Variants in TMEM87A observed in about 807,000 individuals in gnomAD.
The protein encoded by TMEM87A is transmembrane protein 87A.
Under a neutral mutation model 90.0 loss-of-function variants are expected in TMEM87A, and 50 were observed. The observed-to-expected ratio is 0.56, with a 90% CI of 0.44 to 0.70. The LOEUF is 0.70. Ranked by LOEUF, TMEM87A falls within the 30% of genes least tolerant of loss-of-function variation. The pLI is 0.00. For synonymous variants in TMEM87A, 226 were observed against 226.7 expected (o/e 1.00, Z 0.03); for missense variants, 577 against 660.5 (o/e 0.87, Z 1.39).
chr15:42,231,853 A>G, intron 11 of TMEM87A: 2 of 1,273,710 alleles, frequency 1.6e-6, no homozygotes, highest in South Asian at 2.5e-5. Context: ...TCCATAAAAT[A>G]ACACAGGCGT....
chr15:42,271,952 CTAGA>C, intron 2 of TMEM87A, 107 bp downstream of exon 2: 1 of 846,678 alleles, frequency 1.2e-6, no homozygotes, highest in South Asian at 1.7e-5. Flanking sequence ...ATATTTATAC[CTAGA>C]TAATGCCAGA....
intron 14 of TMEM87A, 107 bp from the exon 15 acceptor site, chr15:42,227,016 G>A: frequency 1.9e-6 from 2 of 1,063,628 alleles, no homozygotes; most frequent in South Asian, 2.8e-5. Context: ...TTCAAGTTAT[G>A]TTTACTAAGA....
At chr15:42,244,009 C>A in intron 7 of TMEM87A, 41 bp downstream of exon 7, 1 of 1,197,528 alleles carries the variant, frequency 8.4e-7, no homozygotes, top group Non-Finnish European at 1.2e-6. Context: ...AATGACATAA[C>A]CAGATAATAA....
chr15:42,228,647 C>G, intron 13 of TMEM87A, 65 bp downstream of exon 13: 1 of 1,386,684 alleles, frequency 7.2e-7, no homozygotes, highest in Middle Eastern at 1.8e-4. Context: ...CATGGCCTTT[C>G]AGGTTAAGAA....
chr15:42,247,058 T>C (rs953792455), intron 6 of TMEM87A, among the ~76,000 whole-genome samples: 9 of 1,350 alleles, frequency 6.7e-3, no homozygotes, highest in Middle Eastern at 0.5. Context: ...TGATGAGCAT[T>C]TTTTTCATGT....
rs144762944 is a variant in TMEM87A, at chr15:42,267,010, G to C, written c.291+937C>G. Among the ~76,000 whole-genome samples the C allele has an allele frequency of 6.5e-3, 993 of 152,258 alleles. 12 individuals carry two copies. The highest frequency in any genetic ancestry group is 0.023 in the African/African-American group (959 of 41,530). On this transcript the variant is annotated intron_variant, in intron 3 of 19. Transcript: ENST00000389834. The stretch of plus-strand genomic sequence containing the variant: ...GTCCCCTCAAGGAAGACAACTGACA[G>C]TATTCACTGCCAAAATAAAATTTGA...
chr15:42,221,224 G>A (rs2050474997), intron 15 of TMEM87A, among the ~76,000 whole-genome samples: 1 of 151,744 alleles, frequency 6.6e-6, no homozygotes, highest in Non-Finnish European at 1.5e-5. Context: ...ACTCCAGCCT[G>A]GGCGACACAG....
intron 3 of TMEM87A, among the ~76,000 whole-genome samples, chr15:42,264,701 T>TATATA (rs1566941898): frequency 1.6e-4 from 2 of 12,490 alleles, no homozygotes; most frequent in Admixed American, 9.9e-4. Context: ...ATATATATAT[T>TATATA]TTTTTTTTAA....
At chr15:42,244,006 T>C (rs2050922802) in intron 7 of TMEM87A, 44 bp downstream of exon 7, 1 of 1,182,946 alleles carries the variant, frequency 8.5e-7, no homozygotes, top group Non-Finnish European at 1.2e-6. Context: ...ATGAATGACA[T>C]AACCAGATAA....
Position 42,236,431 on chromosome 15 carries a change from A to G in TMEM87A, c.869-12T>C. 1 of 1,612,906 alleles carries G rather than the reference A, an allele frequency of 6.2e-7. No individual in the cohort carries two copies. The highest frequency in any genetic ancestry group is 8.5e-7 in the Non-Finnish European group (1 of 1,178,932). On this transcript the variant is annotated splice_polypyrimidine_tract_variant and intron_variant, in intron 9 of 19. Coordinates refer to ENST00000389834, the MANE Select transcript of TMEM87A (RefSeq NM_015497.5). ...CAAAGCACCCTGGACTATGAAAAAG[A>G]AGGGAAGAAATGGCACCATAATCTA... is the stretch of plus-strand genomic sequence containing the variant.
intron 2 of TMEM87A, among the ~76,000 whole-genome samples, chr15:42,270,786 A>G (rs2051507225): frequency 6.6e-6 from 1 of 152,218 alleles, no homozygotes; most frequent in Non-Finnish European, 1.5e-5. Context: ...ATCTAAATCA[A>G]ATATAAGTCA....
intron 19 of TMEM87A, 85 bp downstream of exon 19, chr15:42,217,717 TA>T: frequency 7.3e-7 from 1 of 1,376,638 alleles, no homozygotes; most frequent in Non-Finnish European, 1.0e-6. Flanking sequence ...CTGAGTCAAA[TA>T]AAGAGAATCT....
chr15:42,239,570 C>T (rs11070363), intron 8 of TMEM87A, 100 bp downstream of exon 8: 994,469 of 1,022,374 alleles, frequency 0.97, 485,290 homozygotes, highest in Non-Finnish European at 1. Flanking sequence ...CTGAATTGCA[C>T]AGGAACAATT....
intron 6 of TMEM87A, among the ~76,000 whole-genome samples, chr15:42,255,705 TC>T (rs1287153406): frequency 6.6e-6 from 1 of 152,184 alleles, no homozygotes; most frequent in Admixed American, 6.5e-5. Flanking sequence ...TAAAGTGTTC[TC>T]TTTTATCAAT....
intron 6 of TMEM87A, among the ~76,000 whole-genome samples, chr15:42,259,216 G>A (rs985096243): frequency 1.3e-5 from 2 of 151,820 alleles, no homozygotes; most frequent in Non-Finnish European, 2.9e-5. Flanking sequence ...TCCACCTTCT[G>A]GGTTCAAGTG....
At position 42,216,108 on chromosome 15, in the gene TMEM87A, T is replaced by C. The variant is rs766236194; in HGVS notation, c.1626+1695A>G. On this transcript the variant is annotated intron_variant, in intron 19 of 19. Coordinates refer to ENST00000389834, the MANE Select transcript of TMEM87A (RefSeq NM_015497.5). Reference sequence around the variant, plus strand: ...ACAACTTAGATAAATCTTGAAGACATTATGCTAAGTGAAATAAGCAAGCCA... The same window carrying C: ...ACAACTTAGATAAATCTTGAAGACACTATGCTAAGTGAAATAAGCAAGCCA... Among the ~76,000 whole-genome samples the C allele has an allele frequency of 2.8e-4, 43 of 152,308 alleles. 1 individual carries two copies. In the South Asian group the frequency reaches 5.2e-3, roughly 18 times the overall value.
intron 3 of TMEM87A, among the ~76,000 whole-genome samples, chr15:42,266,705 A>C (rs1404204010): frequency 6.6e-6 from 1 of 152,136 alleles, no homozygotes; most frequent in Non-Finnish European, 1.5e-5. Flanking sequence ...TTTATGTAAG[A>C]ATATCCTAGA....
chr15:42,264,681 G>GTA (rs2051362629), intron 3 of TMEM87A, among the ~76,000 whole-genome samples: 1 of 25,172 alleles, frequency 4.0e-5, no homozygotes, highest in African/African-American at 7.3e-5. Flanking sequence ...ATATATGTGT[G>GTA]TGTATATATA....
chr15:42,272,902 C>G (rs1053893513), intron 1 of TMEM87A: 4 of 487,192 alleles, frequency 8.2e-6, no homozygotes, highest in African/African-American at 7.8e-5. Context: ...TCTTTCTTAT[C>G]CAACCCGGGG....
Sources: allele counts gnomAD v4.1 joint callset (sites outside exome capture counted in the v4.1 genomes callset), GRCh38; gene constraint gnomAD v4.1.1; transcripts MANE v1.5; gene names NCBI Gene and HGNC (gene_info 2026-07-23, HGNC 2026-07-21).